The following S100A2 variants were observed in gnomAD, a reference collection of about 807,000 sequenced individuals.
S100A2 encodes protein S100-A2.
Under a neutral mutation model 4.3 loss-of-function variants are expected in S100A2, and 5 were observed. The ratio of observed to expected loss-of-function variants is 1.16; its 90% CI spans 0.61 to 2.44. The LOEUF is 2.44. Ranked by LOEUF, S100A2 falls within the 30% of genes most tolerant of loss-of-function variation. The probability of loss-of-function intolerance (pLI) is 0.01; values close to 1 mark genes in which losing one functional copy is unlikely to be tolerated. For missense variants in S100A2, 103 were observed against 114.7 expected, an observed-to-expected ratio of 0.90 and a Z score of 0.47; for synonymous variants, 44 against 46.0, an observed-to-expected ratio of 0.96 and a Z score of 0.17.
At position 153,563,851 on chromosome 1, in the gene S100A2, C is replaced by A. The variant is rs376852593; in HGVS notation, c.27G>T (p.Ala9=). The change falls in exon 2 of 3, where the codon GCG becomes GCT. Residue 9 remains alanine, a synonymous_variant. Transcript: ENST00000368708. MMCSSLEQ[A]LAVLVTTFHK... The stretch of plus-strand genomic sequence containing the variant: ...GGAAGGTAGTGACCAGCACAGCCAG[C>A]GCCTGCTCCAGAGAACTGCACATCA... 2.5e-6 allele frequency: 4 copies of A among 1,614,048 alleles called. No homozygotes were observed. The highest frequency in any genetic ancestry group is 2.7e-5 in the African/African-American group (2 of 74,924).
chr1:153,563,222 A>G (rs1008293724), intron 2 of S100A2, among the ~76,000 whole-genome samples: 5 of 152,084 alleles, frequency 3.3e-5, no homozygotes, highest in Non-Finnish European at 5.9e-5. Context: ...AAATACAAAA[A>G]TTAGCTGGGC....
At chr1:153,561,723 C>A (rs1460559924) in intron 2 of S100A2, 132 bp from the exon 3 acceptor site, 4 of 1,304,934 alleles carry the variant, frequency 3.1e-6, no homozygotes, top group Non-Finnish European at 4.3e-6. Flanking sequence ...ATAAGGTGGG[C>A]AGGAGGCCCT....
At chr1:153,563,053 C>T in intron 2 of S100A2, among the ~76,000 whole-genome samples, 1 of 150,990 alleles carries the variant, frequency 6.6e-6, no homozygotes. Flanking sequence ...GAGGGCAGAT[C>T]ACCTGAGGTC....
Position 153,561,386 on chromosome 1 carries a change from C to T in S100A2, c.*53G>A, listed in dbSNP as rs986381698. On this transcript the variant is annotated 3_prime_UTR_variant, in exon 3 of 3. Transcript: ENST00000368708. ...GTTTATTGAATACAAAACTCAAAGG[C>T]ATCAACAGTCCTGGGCCCAAGAGAT... 6 of 1,573,396 alleles carry T rather than the reference C, an allele frequency of 3.8e-6. No homozygotes were observed. The highest frequency in any genetic ancestry group is 5.2e-6 in the Non-Finnish European group (6 of 1,156,410).
chr1:153,561,247 A>G lies in S100A2; in HGVS notation c.*192T>C, dbSNP rs1665887348. On this transcript the variant is annotated 3_prime_UTR_variant, in exon 3 of 3. Coordinates refer to ENST00000368708, the MANE Select transcript of S100A2 (RefSeq NM_005978.4). ...CCTTGGAGAGATTTCCAGGAGAGTCAGAGCCCAGAAGGGAGCAGGATCCAG... is the reference window on the plus strand; with the variant it reads ...CCTTGGAGAGATTTCCAGGAGAGTCGGAGCCCAGAAGGGAGCAGGATCCAG... 5.2e-6 allele frequency: 3 copies of G among 575,312 alleles called. No homozygotes were observed. The highest frequency in any genetic ancestry group is 8.8e-6 in the Non-Finnish European group (3 of 342,238). 35.6% of individuals were successfully genotyped at this position (575,312 alleles called of 1,614,324 possible).
chr1:153,562,212 G>T (rs909725475), intron 2 of S100A2, among the ~76,000 whole-genome samples: 5 of 152,186 alleles, frequency 3.3e-5, no homozygotes, highest in African/African-American at 1.2e-4. Context: ...TTGTCACCCA[G>T]GCTGTATTAT....
chr1:153,561,558 T>A lies in S100A2; in HGVS notation c.178A>T (p.Met60Leu). 3 of 1,614,108 alleles carry A rather than the reference T, an allele frequency of 1.9e-6. No individual in the cohort carries two copies. Among genetic ancestry groups the A allele is most frequent in the Non-Finnish European group, 1.7e-6 (2 of 1,180,012 alleles). The change falls in exon 3 of 3, where the codon ATG becomes TTG. Residue 60 changes from methionine (M) to leucine (L), a missense_variant. Physicochemically the swap from Met to Leu is conservative, Grantham distance 15 (BLOSUM62 2). Coordinates refer to ENST00000368708, the MANE Select transcript of S100A2 (RefSeq NM_005978.4). ...TCACTGTTCTCATCCAGGCTGCCCA[T>A]CAGCTTCTTCAGCCCCTCCTCATCC... The part of the protein sequence containing the change: ...KVDEEGLKKL[M>L]GSLDENSDQQ...
intron 2 of S100A2, among the ~76,000 whole-genome samples, chr1:153,563,169 C>T (rs1038583897): frequency 2.0e-5 from 3 of 151,788 alleles, no homozygotes; most frequent in Non-Finnish European, 2.9e-5. Context: ...GTCAGGAGTT[C>T]GAGACCAGCC....
intron 2 of S100A2, among the ~76,000 whole-genome samples, chr1:153,561,938 C>T (rs1665903801): frequency 6.6e-6 from 1 of 152,250 alleles, no homozygotes; most frequent in Non-Finnish European, 1.5e-5. Flanking sequence ...TGCTCCCCAA[C>T]ACCAGCCAGG....
At chr1:153,564,795 G>A (rs1665971290) in intron 1 of S100A2, among the ~76,000 whole-genome samples, 1 of 126,446 alleles carries the variant, frequency 7.9e-6, no homozygotes, top group Non-Finnish European at 1.6e-5. Flanking sequence ...CCATGACCCA[G>A]GCAGAGTCTT....
rs1284338218 is a variant in S100A2 at position 153,563,406 on chromosome 1, A to C, written c.144+328T>G. 3 of 1,539,156 alleles carry C rather than the reference A, an allele frequency of 1.9e-6. No individual in the cohort carries two copies. In the African/African-American group the frequency reaches 4.2e-5, roughly 21 times the overall value. On this transcript the variant is annotated intron_variant, in intron 2 of 2. Coordinates refer to ENST00000368708, the MANE Select transcript of S100A2 (RefSeq NM_005978.4). ...AAAAAAGAAAAGAAAAGAGAGAGAG[A>C]GAACGTGCCAGTGCTGTGTGATCTT...
chr1:153,563,293 C>A (rs1665934898), intron 2 of S100A2: 7 of 962,902 alleles, frequency 7.3e-6, no homozygotes, highest in South Asian at 6.7e-5. Flanking sequence ...AATTGCTTGA[C>A]CCCTGGAGGC....
chr1:153,563,712 C>T, intron 2 of S100A2, 22 bp downstream of exon 2: 1 of 1,603,740 alleles, frequency 6.2e-7, no homozygotes, highest in Non-Finnish European at 8.5e-7. Flanking sequence ...CAGGACCTCC[C>T]CCACAGGCCT....
At chr1:153,565,066 CT>C (rs913412850) in intron 1 of S100A2, among the ~76,000 whole-genome samples, 2 of 151,590 alleles carry the variant, frequency 1.3e-5, no homozygotes, top group Non-Finnish European at 2.9e-5. Flanking sequence ...AATCCCAGCA[CT>C]TTGGGAGGCC....
At position 153,561,265 on chromosome 1, in the gene S100A2, G is replaced by A; in HGVS notation, c.*174C>T. 1 of 687,942 alleles carries A rather than the reference G, an allele frequency of 1.5e-6. No homozygotes were observed. Among genetic ancestry groups the A allele is most frequent in the Non-Finnish European group, 2.4e-6 (1 of 413,884 alleles). 42.6% of individuals were successfully genotyped at this position (687,942 alleles called of 1,614,324 possible). A position where few individuals can be genotyped will look rare whatever the true frequency, so the allele number is the denominator to read the frequency against. On this transcript the variant is annotated 3_prime_UTR_variant, in exon 3 of 3. Coordinates refer to ENST00000368708, the MANE Select transcript of S100A2 (RefSeq NM_005978.4). ...GAGAGTCAGAGCCCAGAAGGGAGCA[G>A]GATCCAGGAGGCCCTCATCTCCCAG...
chr1:153,561,459 C>T lies in S100A2; in HGVS notation c.277G>A (p.Gly93Ser). ...ITVMCNDFFQ[G>S]CPDRP is the part of the protein sequence containing the mutation. Reference sequence around the variant, plus strand: ...CTGCTTCAGGGTCGGTCTGGGCAGCCCTGGAAGAAGTCATTGCACATGACA... The same window carrying T: ...CTGCTTCAGGGTCGGTCTGGGCAGCTCTGGAAGAAGTCATTGCACATGACA... Residue 93 changes from glycine (G) to serine (S), a missense_variant, in exon 3 of 3, where the codon GGC becomes AGC. Gly to Ser is a moderately conservative substitution (Grantham distance 56, BLOSUM62 0). Transcript: ENST00000368708. 1 of 1,614,088 alleles carries T rather than the reference C, an allele frequency of 6.2e-7. No homozygotes were observed. Among genetic ancestry groups the T allele is most frequent in the Non-Finnish European group, 8.5e-7 (1 of 1,179,980 alleles).
In S100A2 at chr1:153,562,702, G is replaced by A. The variant is rs146177647; in HGVS notation, c.144+1032C>T. Among the ~76,000 whole-genome samples the A allele has an allele frequency of 3.2e-4, 48 of 152,230 alleles. No homozygotes were observed. The Middle Eastern group carries it at 0.01, about 32-fold the overall frequency. On this transcript the variant is annotated intron_variant, in intron 2 of 2. Coordinates refer to ENST00000368708, the MANE Select transcript of S100A2 (RefSeq NM_005978.4). The stretch of plus-strand genomic sequence containing the variant: ...CTTTCTTAGTTTGGCATATAAAAAT[G>A]GAAAGAGGTCAAGCACAGTGCCTCA...
At chr1:153,565,094 G>A (rs932845752) in intron 1 of S100A2, among the ~76,000 whole-genome samples, 5 of 151,472 alleles carry the variant, frequency 3.3e-5, no homozygotes, top group Admixed American at 6.6e-5. Flanking sequence ...GGTGGATCAC[G>A]AGATCAGGAG....
chr1:153,562,314 T>C (rs888307303), intron 2 of S100A2, among the ~76,000 whole-genome samples: 2 of 151,810 alleles, frequency 1.3e-5, no homozygotes, highest in African/African-American at 2.4e-5. Flanking sequence ...CCAATTTTTA[T>C]TTTTATTTTT....
Sources: allele counts gnomAD v4.1 joint callset (sites outside exome capture counted in the v4.1 genomes callset), GRCh38; gene constraint gnomAD v4.1.1; transcripts MANE v1.5; gene names NCBI Gene and HGNC (gene_info 2026-07-23, HGNC 2026-07-21).